Variants in SGIP1 observed in about 807,000 individuals in gnomAD.
SGIP1 encodes the protein SH3GL interacting endocytic adaptor 1, also known as SH3-containing GRB2-like protein 3-interacting protein 1.
SGIP1 carries 38 observed loss-of-function variants against 107.5 expected under a neutral mutation model. The observed-to-expected ratio is 0.35, with a 90% confidence interval of 0.27 to 0.46. SGIP1 has a LOEUF of 0.46. Ranked by LOEUF, SGIP1 falls within the 20% of genes least tolerant of loss-of-function variation. The probability of loss-of-function intolerance (pLI) is 1.00; values close to 1 mark genes in which losing one functional copy is unlikely to be tolerated. For missense variants in SGIP1, 929 were observed against 1,019.5 expected (o/e 0.91, Z 1.21); for synonymous variants, 365 against 366.1 (o/e 1.00, Z 0.03).
intron 21 of SGIP1, among the ~76,000 whole-genome samples, chr1:66,734,113 G>A (rs559637403): frequency 2.0e-5 from 3 of 152,146 alleles, no homozygotes; most frequent in Admixed American, 6.5e-5. Flanking sequence ...CACAAAATTA[G>A]AGAAATGTGC....
At chr1:66,703,597 G>C (rs574188902) in intron 18 of SGIP1, among the ~76,000 whole-genome samples, 1 of 151,012 alleles carries the variant, frequency 6.6e-6, no homozygotes, top group East Asian at 1.9e-4. Context: ...TATATGATAT[G>C]ATATGTATCA....
At chr1:66,551,878 G>A (rs1328224944) in intron 1 of SGIP1, among the ~76,000 whole-genome samples, 4 of 152,178 alleles carry the variant, frequency 2.6e-5, no homozygotes, top group African/African-American at 4.8e-5. Flanking sequence ...ACTCATAGAA[G>A]ATGACCCAAG....
At chr1:66,624,101 A>AC in intron 1 of SGIP1, among the ~76,000 whole-genome samples, 1 of 152,228 alleles carries the variant, frequency 6.6e-6, no homozygotes, top group South Asian at 2.1e-4. Flanking sequence ...AGCACTTGAA[A>AC]CCCTGAGATG....
At chr1:66,588,191 GC>G (rs779677381) in intron 1 of SGIP1, among the ~76,000 whole-genome samples, 19 of 152,216 alleles carry the variant, frequency 1.2e-4, no homozygotes, top group Admixed American at 2.6e-4. Context: ...TCGGGAGATT[GC>G]CGGATCATCT....
In SGIP1 at chr1:66,583,733, G is replaced by A. The variant is rs141638220; in HGVS notation, c.11-42114G>A. ...CTTCTGCATACTCCTTAGTCACTTC[G>A]TATTGCATTTGTTCACATAGCTTGC... On this transcript the variant is annotated intron_variant, in intron 1 of 24. Transcript: ENST00000371037. Among the ~76,000 whole-genome samples, 7 of 152,084 alleles carry A rather than the reference G, an allele frequency of 4.6e-5. No homozygotes were observed. In the East Asian group the frequency reaches 5.8e-4, roughly 13 times the overall value.
intron 7 of SGIP1, among the ~76,000 whole-genome samples, chr1:66,644,639 A>G (rs574181901): frequency 6.6e-6 from 1 of 152,254 alleles, no homozygotes; most frequent in East Asian, 1.9e-4. Flanking sequence ...TTCAGGAAAC[A>G]TCTCAACTAA....
chr1:66,707,250 T>C (rs2092590867), intron 18 of SGIP1, among the ~76,000 whole-genome samples: 2 of 152,144 alleles, frequency 1.3e-5, no homozygotes, highest in South Asian at 2.1e-4. Flanking sequence ...CCAATAATAA[T>C]AGACAAAGTG....
chr1:66,685,874 A>T (rs2150047511), intron 15 of SGIP1, among the ~76,000 whole-genome samples: 1 of 152,344 alleles, frequency 6.6e-6, no homozygotes, highest in Non-Finnish European at 1.5e-5. Flanking sequence ...CTCTATTAGT[A>T]ATGTTTCAGG....
intron 1 of SGIP1, among the ~76,000 whole-genome samples, chr1:66,571,768 A>G (rs1036048933): frequency 2.0e-5 from 3 of 151,892 alleles, no homozygotes; most frequent in African/African-American, 7.2e-5. Context: ...TGCATTCCCC[A>G]TGATTCTTCC....
intron 1 of SGIP1, among the ~76,000 whole-genome samples, chr1:66,615,200 A>G (rs1023811477): frequency 6.6e-6 from 1 of 151,178 alleles, no homozygotes; most frequent in Non-Finnish European, 1.5e-5. Context: ...AATGCTATGA[A>G]CTTGGCTCAC....
intron 1 of SGIP1, among the ~76,000 whole-genome samples, chr1:66,581,970 G>C (rs1355521314): frequency 6.6e-6 from 1 of 152,042 alleles, no homozygotes; most frequent in East Asian, 1.9e-4. Context: ...AAAAGAAAAG[G>C]AGAGGCATTG....
chr1:66,625,494 A>C (rs2072442805), intron 1 of SGIP1, among the ~76,000 whole-genome samples: 1 of 152,262 alleles, frequency 6.6e-6, no homozygotes, highest in Non-Finnish European at 1.5e-5. Context: ...GTCTAACCTG[A>C]AAATGGCTAT....
chr1:66,711,793 G>C (rs2092938920), intron 18 of SGIP1, among the ~76,000 whole-genome samples: 1 of 152,070 alleles, frequency 6.6e-6, no homozygotes, highest in African/African-American at 2.4e-5. Flanking sequence ...CCATGCTTCA[G>C]ATTGTGTTTT....
At chr1:66,588,506 C>T (rs1301959313) in intron 1 of SGIP1, among the ~76,000 whole-genome samples, 1 of 152,124 alleles carries the variant, frequency 6.6e-6, no homozygotes, top group African/African-American at 2.4e-5. Context: ...AGACCATATA[C>T]TCCAAGGCAG....
At chr1:66,603,773 T>A (rs2066309332) in intron 1 of SGIP1, among the ~76,000 whole-genome samples, 1 of 152,236 alleles carries the variant, frequency 6.6e-6, no homozygotes, top group Admixed American at 6.5e-5. Context: ...GATAGATCTA[T>A]GTCTAAACAA....
intron 1 of SGIP1, among the ~76,000 whole-genome samples, chr1:66,539,190 C>T (rs1041741339): frequency 1.3e-5 from 2 of 152,140 alleles, no homozygotes; most frequent in Non-Finnish European, 2.9e-5. Context: ...GCTCATGTGT[C>T]TGAGTAAGTC....
At chr1:66,541,559 G>A (rs2054953837) in intron 1 of SGIP1, among the ~76,000 whole-genome samples, 1 of 152,180 alleles carries the variant, frequency 6.6e-6, no homozygotes, top group South Asian at 2.1e-4. Flanking sequence ...CCATGAAAGT[G>A]TCATTCCAGG....
intron 1 of SGIP1, among the ~76,000 whole-genome samples, chr1:66,580,262 A>G (rs978426301): frequency 2.0e-5 from 3 of 152,138 alleles, no homozygotes; most frequent in Admixed American, 6.6e-5. Flanking sequence ...CTACAACTCC[A>G]GTTTCCACTT....
At chr1:66,566,184 C>T (rs1362355801) in intron 1 of SGIP1, among the ~76,000 whole-genome samples, 2 of 151,984 alleles carry the variant, frequency 1.3e-5, no homozygotes, top group East Asian at 1.9e-4. Flanking sequence ...GGGTGGTTTC[C>T]CTAGCGGTAA....
Sources: gnomAD v4.1 joint callset for allele counts (sites outside exome capture counted in the v4.1 genomes callset) on GRCh38, gnomAD v4.1.1 for gene constraint, MANE v1.5 for transcripts, NCBI Gene and HGNC (gene_info 2026-07-23, HGNC 2026-07-21) for gene names.